Variants in CSMD1 observed in about 807,000 individuals in gnomAD.
CSMD1 encodes CUB and sushi domain-containing protein 1.
Under a neutral mutation model 417.5 loss-of-function variants are expected in CSMD1, and 213 were observed. The ratio of observed to expected loss-of-function variants is 0.51; its 90% CI spans 0.46 to 0.57. The LOEUF is 0.57. Ranked by LOEUF, CSMD1 falls within the 20% of genes least tolerant of loss-of-function variation. The pLI, the probability that CSMD1 is intolerant of heterozygous loss-of-function variation, is 0.00. For synonymous variants in CSMD1, 2,862 were observed against 1,736.8 expected, an observed-to-expected ratio of 1.65 and a Z score of -16.11; for missense variants, 6,923 against 4,529.7, an observed-to-expected ratio of 1.53 and a Z score of -15.17.
In CSMD1 at chr8:3,508,896, G is replaced by A. The variant is rs531843458; in HGVS notation, c.1345-15170C>T. ...CCAGTTAGAGCCATGAGACAGGAAT[G>A]ATCCATGGACCCTTGCACATAAATT... On this transcript the variant is annotated intron_variant, in intron 10 of 69. Transcript: ENST00000635120. Among the ~76,000 whole-genome samples, 3 of 152,290 alleles carry A rather than the reference G, an allele frequency of 2.0e-5. No homozygotes were observed. In the East Asian group the frequency reaches 5.8e-4, roughly 29 times the overall value.
At chr8:3,778,282 G>A (rs1404977045) in intron 5 of CSMD1, among the ~76,000 whole-genome samples, 1 of 152,210 alleles carries the variant, frequency 6.6e-6, no homozygotes, top group South Asian at 2.1e-4. Flanking sequence ...CCTGTCAGTA[G>A]TTTACCATTT....
At chr8:3,954,614 G>C (rs547612826) in intron 5 of CSMD1, among the ~76,000 whole-genome samples, 4 of 152,340 alleles carry the variant, frequency 2.6e-5, no homozygotes, top group Admixed American at 1.3e-4. Flanking sequence ...CGCCCACCTT[G>C]GCCTCCCAAA....
rs1359671562 is a variant in CSMD1, at chr8:4,364,567, G to A, written c.415+55386C>T. Among the ~76,000 whole-genome samples, 2 of 17,174 alleles carry A rather than the reference G, an allele frequency of 1.2e-4. 1 individual carries two copies. Among genetic ancestry groups the A allele is most frequent in the Non-Finnish European group, 1.9e-4 (2 of 10,586 alleles). The allele number at this position is 17,174 out of a possible 152,430, so 11.3% of individuals were successfully genotyped here. On this transcript the variant is annotated intron_variant, in intron 3 of 69. Coordinates refer to ENST00000635120, the MANE Select transcript of CSMD1 (RefSeq NM_033225.6). ...TGGCCGGGCGCGGTGGCTCACGCCT[G>A]TAATCCCAGCACTTTGGGAGGCCGA...
chr8:3,173,547 G>C (rs4875309), intron 37 of CSMD1, among the ~76,000 whole-genome samples: 16,912 of 152,234 alleles, frequency 0.11, 1,174 homozygotes, highest in Non-Finnish European at 0.16. Context: ...AGATCTTATG[G>C]AGTAATTAAT....
intron 5 of CSMD1, among the ~76,000 whole-genome samples, chr8:3,831,209 G>C (rs1802358210): frequency 1.3e-5 from 2 of 152,166 alleles, no homozygotes; most frequent in South Asian, 2.1e-4. Context: ...TTTCACAAAA[G>C]CATGTGGAAA....
At chr8:4,251,863 G>C (rs1042789063) in intron 3 of CSMD1, among the ~76,000 whole-genome samples, 2 of 145,378 alleles carry the variant, frequency 1.4e-5, no homozygotes. Flanking sequence ...AGATGGAGGA[G>C]AGAGAGGGTG....
At chr8:3,668,656 G>C (rs1209790427) in intron 7 of CSMD1, among the ~76,000 whole-genome samples, 1 of 152,014 alleles carries the variant, frequency 6.6e-6, no homozygotes, top group Admixed American at 6.6e-5. Flanking sequence ...CAATATAGAA[G>C]CTCAGTCTGA....
At chr8:4,339,655 C>G (rs980225507) in intron 3 of CSMD1, among the ~76,000 whole-genome samples, 2 of 152,146 alleles carry the variant, frequency 1.3e-5, no homozygotes, top group African/African-American at 4.8e-5. Flanking sequence ...TCAGATGATT[C>G]AATATGTTAT....
intron 5 of CSMD1, among the ~76,000 whole-genome samples, chr8:3,973,212 G>C (rs980825825): frequency 2.0e-5 from 3 of 152,210 alleles, no homozygotes; most frequent in Admixed American, 2.0e-4. Flanking sequence ...GCATGCAGCT[G>C]TGCCCTACAT....
intron 3 of CSMD1, among the ~76,000 whole-genome samples, chr8:4,188,295 C>A (rs6996226): frequency 0.16 from 25,039 of 151,904 alleles, 2,200 homozygotes; most frequent in East Asian, 0.29. Flanking sequence ...CAATGTCCCC[C>A]GGTTGTCAAA....
intron 1 of CSMD1, among the ~76,000 whole-genome samples, chr8:4,659,646 G>A (rs897991600): frequency 5.9e-5 from 9 of 152,116 alleles, no homozygotes; most frequent in Admixed American, 6.6e-5. Flanking sequence ...TTTCCAAGGC[G>A]ACAGGGGAGT....
intron 5 of CSMD1, among the ~76,000 whole-genome samples, chr8:3,755,380 T>A (rs551844675): frequency 1.3e-5 from 2 of 152,374 alleles, no homozygotes; most frequent in South Asian, 4.1e-4. Flanking sequence ...ACATTCTCCA[T>A]GTGCTCTACA....
chr8:4,221,336 G>C (rs555401540), intron 3 of CSMD1, among the ~76,000 whole-genome samples: 40 of 147,564 alleles, frequency 2.7e-4, no homozygotes, highest in Non-Finnish European at 4.2e-4. Context: ...CTCACAAAAT[G>C]TTTCAAAGGC....
chr8:3,028,319 T>G (rs775462117), intron 51 of CSMD1, among the ~76,000 whole-genome samples: 1 of 152,104 alleles, frequency 6.6e-6, no homozygotes. Context: ...CTGGCAAGAA[T>G]GTCGGGAAGG....
intron 3 of CSMD1, among the ~76,000 whole-genome samples, chr8:4,307,708 C>T (rs758330810): frequency 1.3e-5 from 2 of 152,106 alleles, no homozygotes; most frequent in Non-Finnish European, 2.9e-5. Context: ...CAGCACGATG[C>T]TCTTGACCAT....
rs118018411 is a variant in CSMD1 at position 3,528,096 on chromosome 8, G to A, written c.1345-34370C>T. On this transcript the variant is annotated intron_variant, in intron 10 of 69. Transcript: ENST00000635120. ...CATATAAGAACCACTGATACAGGGG[G>A]AAATGAGGAATACTGGAAAGTGATT... Among the ~76,000 whole-genome samples, 580 of 152,268 alleles carry A rather than the reference G, an allele frequency of 3.8e-3. 3 individuals carry two copies. Among genetic ancestry groups the A allele is most frequent in the Non-Finnish European group, 4.7e-3 (323 of 68,010 alleles).
At chr8:4,428,973 C>G (rs977831295) in intron 2 of CSMD1, among the ~76,000 whole-genome samples, 28 of 152,176 alleles carry the variant, frequency 1.8e-4, no homozygotes, top group African/African-American at 6.5e-4. Flanking sequence ...CTCATCCTCC[C>G]AAAGTGCTGG....
At chr8:3,870,119 G>C (rs1805378326) in intron 5 of CSMD1, among the ~76,000 whole-genome samples, 1 of 151,938 alleles carries the variant, frequency 6.6e-6, no homozygotes, top group Non-Finnish European at 1.5e-5. Context: ...TCTATAAACA[G>C]GTAGAATAAA....
intron 3 of CSMD1, among the ~76,000 whole-genome samples, chr8:4,223,657 C>A (rs1224952505): frequency 6.6e-6 from 1 of 152,206 alleles, no homozygotes; most frequent in Admixed American, 6.5e-5. Context: ...AAACCCCAGT[C>A]TGTCTGTGCT....
Sources: allele counts gnomAD v4.1 joint callset (sites outside exome capture counted in the v4.1 genomes callset), GRCh38; gene constraint gnomAD v4.1.1; transcripts MANE v1.5; gene names NCBI Gene and HGNC (gene_info 2026-07-23, HGNC 2026-07-21).